The following RASA3 variants were observed in gnomAD, a reference collection of about 807,000 sequenced individuals.
The protein encoded by RASA3 is ras GTPase-activating protein 3.
Under a neutral mutation model 110.0 loss-of-function variants are expected in RASA3, and 73 were observed. The ratio of observed to expected loss-of-function variants is 0.66; its 90% CI spans 0.55 to 0.81. The LOEUF is 0.81. RASA3 is among the 30% of genes least tolerant of loss of function. RASA3 has a pLI of 0.00. For missense variants in RASA3, 976 were observed against 1,113.2 expected, an observed-to-expected ratio of 0.88 and a Z score of 1.75; for synonymous variants, 500 against 451.4, an observed-to-expected ratio of 1.11 and a Z score of -1.37.
chr13:114,061,655 C>T (rs368862499), intron 2 of RASA3, among the ~76,000 whole-genome samples: 167 of 139,776 alleles, frequency 1.2e-3, no homozygotes, highest in African/African-American at 4.3e-3. Flanking sequence ...CCAGCCTGGG[C>T]GACAAAGCAA....
At position 114,029,520 on chromosome 13, in the gene RASA3, ACGGCG is replaced by A. The variant is rs1473760603; in HGVS notation, c.449+286_449+290del. 4.3e-4 allele frequency among the ~76,000 whole-genome samples: 57 copies of A among 133,338 alleles called. 6 individuals are homozygous for A. The highest frequency in any genetic ancestry group is 1.4e-3 in the African/African-American group (46 of 33,032). The allele number at this position is 133,338 out of a possible 152,430, so 87.5% of individuals were successfully genotyped here. A position where few individuals can be genotyped will look rare whatever the true frequency, so the allele number is the denominator to read the frequency against. ...CATCCTGGGGGCCAGGACCTCTAAAACGGCGTCATCCTGGGGGCCAGGACCTCTAA... is the reference window on the plus strand; with the variant it reads ...CATCCTGGGGGCCAGGACCTCTAAAATCATCCTGGGGGCCAGGACCTCTAA... On this transcript the variant is annotated intron_variant, in intron 5 of 23. Coordinates refer to ENST00000334062, the MANE Select transcript of RASA3 (RefSeq NM_007368.4).
At chr13:114,025,703 C>T (rs1376924603) in intron 7 of RASA3, among the ~76,000 whole-genome samples, 7 of 152,268 alleles carry the variant, frequency 4.6e-5, no homozygotes, top group South Asian at 2.1e-4. Flanking sequence ...ATTATTTAAT[C>T]TCATTTAGAG....
At chr13:114,082,202 CA>C (rs964715577) in intron 1 of RASA3, among the ~76,000 whole-genome samples, 28 of 152,350 alleles carry the variant, frequency 1.8e-4, no homozygotes, top group African/African-American at 6.5e-4. Flanking sequence ...GCGGGTCTCA[CA>C]GGGGCAGGCA....
At chr13:114,059,128 G>C (rs370683412) in intron 2 of RASA3, among the ~76,000 whole-genome samples, 2 of 152,176 alleles carry the variant, frequency 1.3e-5, no homozygotes, top group South Asian at 4.1e-4. Context: ...AGTGAGCTGT[G>C]ATCACAGCAC....
intron 1 of RASA3, among the ~76,000 whole-genome samples, chr13:114,126,320 C>T (rs985756988): frequency 3.9e-5 from 6 of 152,384 alleles, no homozygotes; most frequent in Middle Eastern, 3.4e-3. Context: ...CCCATCCACA[C>T]GTCCCACTGG....
At chr13:114,098,527 CCT>C (rs970179403) in intron 1 of RASA3, among the ~76,000 whole-genome samples, 1 of 152,114 alleles carries the variant, frequency 6.6e-6, no homozygotes, top group Non-Finnish European at 1.5e-5. Context: ...GGGCTGCAGC[CCT>C]GAGACCTGGT....
At position 114,079,720 on chromosome 13, in the gene RASA3, C is replaced by G. The variant is rs927998679; in HGVS notation, c.56-5883G>C. On this transcript the variant is annotated intron_variant, in intron 1 of 23. Coordinates refer to ENST00000334062, the MANE Select transcript of RASA3 (RefSeq NM_007368.4). ...CCATGCGTGGGTAGAGACCCCTCTC[C>G]GGGCTCTGAGCTGCTGACTGCAAGG... 3.7e-4 allele frequency among the ~76,000 whole-genome samples: 57 copies of G among 152,206 alleles called. 1 individual carries two copies. Among genetic ancestry groups the G allele is most frequent in the African/African-American group, 1.3e-3 (54 of 41,446 alleles).
chr13:113,991,943 T>G (rs1447215639), intron 22 of RASA3, among the ~76,000 whole-genome samples: 1 of 151,538 alleles, frequency 6.6e-6, no homozygotes, highest in Non-Finnish European at 1.5e-5. Flanking sequence ...GTCCATACAT[T>G]CACACACACT....
intron 3 of RASA3, among the ~76,000 whole-genome samples, chr13:114,049,656 A>G (rs1055442035): frequency 1.3e-5 from 2 of 152,256 alleles, no homozygotes; most frequent in East Asian, 1.9e-4. Context: ...TCACACCTCA[A>G]TTCGCGCGTG....
chr13:114,117,985 G>A (rs1231680304), intron 1 of RASA3, among the ~76,000 whole-genome samples: 1 of 151,934 alleles, frequency 6.6e-6, no homozygotes, highest in South Asian at 2.1e-4. Flanking sequence ...GTGTGCACAT[G>A]TGGATGTTGC....
chr13:114,016,472 C>T (rs1264429817), intron 12 of RASA3, among the ~76,000 whole-genome samples: 1 of 152,132 alleles, frequency 6.6e-6, no homozygotes, highest in Admixed American at 6.5e-5. Context: ...TGGTGTCGTC[C>T]CGAGCCTCAG....
chr13:114,032,521 G>A (rs1594356442), intron 4 of RASA3, among the ~76,000 whole-genome samples: 1 of 152,082 alleles, frequency 6.6e-6, no homozygotes, highest in South Asian at 2.1e-4. Context: ...GGTCGTGGGC[G>A]CAGCCTGCCC....
intron 1 of RASA3, among the ~76,000 whole-genome samples, chr13:114,123,524 C>T (rs542558071): frequency 2.0e-5 from 3 of 152,340 alleles, no homozygotes; most frequent in East Asian, 1.9e-4. Context: ...CTGGGTCTAT[C>T]GCGCCCAGTT....
At chr13:114,031,824 C>T (rs1236693596) in intron 4 of RASA3, among the ~76,000 whole-genome samples, 2 of 152,184 alleles carry the variant, frequency 1.3e-5, no homozygotes, top group African/African-American at 2.4e-5. Flanking sequence ...AGGGCTTGTC[C>T]CTGCCTGTGG....
intron 2 of RASA3, among the ~76,000 whole-genome samples, chr13:114,062,133 C>T (rs1165826271): frequency 1.3e-5 from 2 of 151,872 alleles, no homozygotes; most frequent in Admixed American, 6.6e-5. Flanking sequence ...CGATTTTCCA[C>T]GATGAGTTGA....
intron 4 of RASA3, among the ~76,000 whole-genome samples, chr13:114,034,072 T>G (rs2054233784): frequency 6.6e-6 from 1 of 151,836 alleles, no homozygotes; most frequent in Non-Finnish European, 1.5e-5. Context: ...AGGAGTGCCC[T>G]GAACACCAGC....
chr13:114,070,408 C>T (rs192091989), intron 2 of RASA3, among the ~76,000 whole-genome samples: 2 of 152,184 alleles, frequency 1.3e-5, no homozygotes, highest in East Asian at 3.9e-4. Context: ...GCATGTGCAC[C>T]GATGGAGGGC....
chr13:114,096,112 G>A lies in RASA3; in HGVS notation c.56-22275C>T, dbSNP rs1171884691. 6.6e-6 allele frequency among the ~76,000 whole-genome samples: 1 copy of A among 152,056 alleles called. No homozygotes were observed. Among genetic ancestry groups the A allele is most frequent in the Non-Finnish European group, 1.5e-5 (1 of 68,002 alleles). ...GTGGCCCTGGCGGCATCGGTGTGCT[G>A]GGAAGGGGGTGCTCTCTGGGTGGCC... On this transcript the variant is annotated intron_variant, in intron 1 of 23. Transcript: ENST00000334062. The surrounding 1 kb of genome is among the most constrained non-coding windows in gnomAD (Gnocchi z 5.1).
chr13:114,092,352 GTA>G (rs2079898772), intron 1 of RASA3, among the ~76,000 whole-genome samples: 1 of 152,034 alleles, frequency 6.6e-6, no homozygotes, highest in Non-Finnish European at 1.5e-5. Flanking sequence ...ATAGGTTTTG[GTA>G]TGTTATGTTT....
Sources: gnomAD v4.1 joint callset for allele counts (sites outside exome capture counted in the v4.1 genomes callset) on GRCh38, gnomAD v4.1.1 for gene constraint, Gnocchi (gnomAD v3.1) non-coding constraint, MANE v1.5 for transcripts, NCBI Gene and HGNC (gene_info 2026-07-23, HGNC 2026-07-21) for gene names.